ANKRD6: variants seen among roughly 807,000 people sequenced by gnomAD.
ANKRD6 encodes ankyrin repeat domain-containing protein 6.
ANKRD6 carries 56 observed loss-of-function variants against 82.3 expected under a neutral mutation model. The observed-to-expected ratio is 0.68, with a 90% CI of 0.55 to 0.85. The LOEUF is 0.85. Ranked by LOEUF, ANKRD6 falls within the 40% of genes least tolerant of loss-of-function variation. ANKRD6 has a pLI of 0.00. For synonymous variants in ANKRD6, 347 were observed against 352.1 expected (o/e 0.99, Z 0.16); for missense variants, 852 against 907.6 (o/e 0.94, Z 0.79).
rs375567283 is a variant in ANKRD6 at position 89,462,233 on chromosome 6, A to AAATAATAAAAATAATAATAAT, written c.-144+28866_-144+28867insAAATAATAATAATAATAATAA. On this transcript the variant is annotated intron_variant, in intron 1 of 15. Transcript: ENST00000339746. ...GGCAACAGAGTGAGACTCCATCTCAAAATAATAATAATAATAATAATAATA... is the reference window on the plus strand; with the variant it reads ...GGCAACAGAGTGAGACTCCATCTCAAAATAATAAAAATAATAATAATAATAATAATAATAATAATAATAATA... Among the ~76,000 whole-genome samples the AAATAATAAAAATAATAATAAT allele has an allele frequency of 1.1e-3, 116 of 106,034 alleles. 1 individual carries two copies. The highest frequency in any genetic ancestry group is 4.8e-3 in the Middle Eastern group (1 of 208). The allele number at this position is 106,034 out of a possible 152,430, so 69.6% of individuals were successfully genotyped here.
intron 1 of ANKRD6, among the ~76,000 whole-genome samples, chr6:89,469,824 A>G (rs1775244317): frequency 6.6e-6 from 1 of 152,188 alleles, no homozygotes; most frequent in African/African-American, 2.4e-5. Flanking sequence ...CATGGCCTAC[A>G]GCCTGTGCTC....
chr6:89,559,110 G>A (rs1787036590), intron 1 of ANKRD6, among the ~76,000 whole-genome samples: 1 of 152,134 alleles, frequency 6.6e-6, no homozygotes. Context: ...TCCATCACAA[G>A]TGTAAGATGC....
intron 3 of ANKRD6, 47 bp from the exon 4 acceptor site, chr6:89,602,982 G>C: frequency 6.8e-7 from 1 of 1,478,160 alleles, no homozygotes; most frequent in Non-Finnish European, 9.3e-7. Flanking sequence ...GCAAGCAGGG[G>C]GTGCAGGGGA....
Position 89,631,055 on chromosome 6 carries a change from A to C in ANKRD6, c.*51A>C. ...GATTCTTGAAGATTTCCAGTTTTGCAACTGCATAATAGCTATGCCCAAGGA... is the reference window on the plus strand; with the variant it reads ...GATTCTTGAAGATTTCCAGTTTTGCCACTGCATAATAGCTATGCCCAAGGA... On this transcript the variant is annotated 3_prime_UTR_variant, in exon 16 of 16. Transcript: ENST00000339746. 3 of 1,458,846 alleles carry C rather than the reference A, an allele frequency of 2.1e-6. No homozygotes were observed. The South Asian group carries it at 4.4e-5, about 22-fold the overall frequency. The allele number at this position is 1,458,846 out of a possible 1,614,324, so 90.4% of individuals were successfully genotyped here.
intron 9 of ANKRD6, chr6:89,618,451 G>A (rs1018470988): frequency 8.0e-6 from 4 of 500,144 alleles, no homozygotes; most frequent in East Asian, 3.7e-5. Context: ...GGGAGGGGAC[G>A]ATTCTGGGCA....
At chr6:89,587,732 T>G (rs796359307) in intron 2 of ANKRD6, among the ~76,000 whole-genome samples, 2 of 152,230 alleles carry the variant, frequency 1.3e-5, no homozygotes, top group African/African-American at 4.8e-5. Flanking sequence ...GAGATTGTTT[T>G]GGATCCTGAT....
chr6:89,596,671 G>A (rs1442218755), intron 3 of ANKRD6, among the ~76,000 whole-genome samples: 3 of 152,132 alleles, frequency 2.0e-5, no homozygotes, highest in Non-Finnish European at 4.4e-5. Flanking sequence ...GGCTCCTCTG[G>A]CATCAAGTGG....
Position 89,631,240 on chromosome 6 carries a change from CTT to C in ANKRD6, c.*237_*238del. Reference sequence around the variant, plus strand: ...TTAGTTTTGGGTTTCATTATAAACTCTTAGCCTCAGTCCAGGTTAATCTGAAG... The same window carrying C: ...TTAGTTTTGGGTTTCATTATAAACTCAGCCTCAGTCCAGGTTAATCTGAAG... On this transcript the variant is annotated 3_prime_UTR_variant, in exon 16 of 16. Coordinates refer to ENST00000339746, the MANE Select transcript of ANKRD6 (RefSeq NM_001242809.2). 1.6e-6 allele frequency: 1 copy of C among 628,840 alleles called. No homozygotes were observed. The highest frequency in any genetic ancestry group is 2.3e-6 in the Non-Finnish European group (1 of 429,642). 39.0% of individuals were successfully genotyped at this position (628,840 alleles called of 1,614,324 possible).
chr6:89,622,497 G>C (rs1390434165), intron 10 of ANKRD6, among the ~76,000 whole-genome samples: 1 of 152,234 alleles, frequency 6.6e-6, no homozygotes, highest in East Asian at 1.9e-4. Flanking sequence ...CCCTCCAGGG[G>C]ATTCTCATGG....
rs1583564915 is a variant in ANKRD6 at position 89,593,753 on chromosome 6, T to C, written c.121-2163T>C. On this transcript the variant is annotated intron_variant, in intron 2 of 15. Transcript: ENST00000339746. Reference sequence around the variant, plus strand: ...CATGGGTGGGGCCATGGTTCATTGATGTTTGAATGTTTCTTCACAGTGAAA... The same window carrying C: ...CATGGGTGGGGCCATGGTTCATTGACGTTTGAATGTTTCTTCACAGTGAAA... 2.0e-5 allele frequency among the ~76,000 whole-genome samples: 3 copies of C among 152,202 alleles called. No homozygotes were observed. The South Asian group carries it at 6.2e-4, about 32-fold the overall frequency.
chr6:89,460,924 C>T (rs1012814431), intron 1 of ANKRD6, among the ~76,000 whole-genome samples: 11 of 47,634 alleles, frequency 2.3e-4, no homozygotes, highest in Non-Finnish European at 4.2e-4. Flanking sequence ...TTTTTGAGAC[C>T]GAGTCTCCCT....
intron 3 of ANKRD6, among the ~76,000 whole-genome samples, chr6:89,600,051 A>G (rs928161308): frequency 6.6e-5 from 10 of 152,146 alleles, no homozygotes; most frequent in African/African-American, 2.4e-4. Context: ...AGCTTAGGAC[A>G]CTATGTGTTC....
At chr6:89,485,686 G>A (rs1277483821) in intron 1 of ANKRD6, among the ~76,000 whole-genome samples, 3 of 152,198 alleles carry the variant, frequency 2.0e-5, no homozygotes, top group African/African-American at 7.2e-5. Context: ...AGACAACTCT[G>A]ACGAGGCAGA....
At chr6:89,457,956 A>G (rs1773686120) in intron 1 of ANKRD6, among the ~76,000 whole-genome samples, 2 of 152,170 alleles carry the variant, frequency 1.3e-5, no homozygotes, top group South Asian at 4.1e-4. Flanking sequence ...GCCTTCACGA[A>G]TGGGATTACG....
chr6:89,619,132 C>G (rs1201108707), intron 9 of ANKRD6, among the ~76,000 whole-genome samples: 1 of 151,984 alleles, frequency 6.6e-6, no homozygotes, highest in African/African-American at 2.4e-5. Context: ...TGATCACCTT[C>G]TTGTGCATGG....
At chr6:89,437,696 G>A (rs1770829050) in intron 1 of ANKRD6, among the ~76,000 whole-genome samples, 1 of 152,124 alleles carries the variant, frequency 6.6e-6, no homozygotes, top group Admixed American at 6.6e-5. Context: ...CATATCCAGT[G>A]ATACAGATGA....
At chr6:89,477,824 AT>A (rs1776256464) in intron 1 of ANKRD6, among the ~76,000 whole-genome samples, 1 of 151,982 alleles carries the variant, frequency 6.6e-6, no homozygotes, top group Admixed American at 6.6e-5. Flanking sequence ...GTTGAAAAAA[AT>A]TTTTTTAATT....
chr6:89,442,721 G>C (rs1562510344), intron 1 of ANKRD6, among the ~76,000 whole-genome samples: 1 of 152,010 alleles, frequency 6.6e-6, no homozygotes, highest in South Asian at 2.1e-4. Flanking sequence ...ATTGGCAATT[G>C]GTTGCAAAAG....
At chr6:89,505,667 G>C (rs1442713459) in intron 1 of ANKRD6, among the ~76,000 whole-genome samples, 1 of 152,214 alleles carries the variant, frequency 6.6e-6, no homozygotes. Context: ...AGCCATTATG[G>C]AAAGCCATAT....
Sources: allele counts gnomAD v4.1 joint callset (sites outside exome capture counted in the v4.1 genomes callset), GRCh38; gene constraint gnomAD v4.1.1; transcripts MANE v1.5; gene names NCBI Gene and HGNC (gene_info 2026-07-23, HGNC 2026-07-21).